Variants in EVL observed in about 807,000 individuals in gnomAD.
EVL encodes the protein Enah/Vasp-like.
EVL carries 21 observed loss-of-function variants against 59.6 expected under a neutral mutation model. The observed-to-expected ratio is 0.35, with a 90% CI of 0.25 to 0.51. The LOEUF (loss-of-function observed/expected upper bound fraction) is 0.51, where lower values mean the gene tolerates loss of function less well. EVL is among the 20% of genes least tolerant of loss of function. EVL has a pLI of 0.97. For synonymous variants in EVL, 198 were observed against 203.5 expected (o/e 0.97, Z 0.23); for missense variants, 462 against 546.6 (o/e 0.85, Z 1.54).
chr14:99,983,224 C>T (rs2060819195), intron 1 of EVL, among the ~76,000 whole-genome samples: 1 of 152,034 alleles, frequency 6.6e-6, no homozygotes, highest in Non-Finnish European at 1.5e-5. Flanking sequence ...TAAGAAAGAT[C>T]CAGTGACATT....
At chr14:100,094,036 T>TA (rs1456630185) in intron 2 of EVL, among the ~76,000 whole-genome samples, 40 of 152,336 alleles carry the variant, frequency 2.6e-4, no homozygotes, top group Middle Eastern at 3.4e-3. Context: ...ATAGTCTATA[T>TA]AGGGTTCTGT....
chr14:100,034,234 CAAAA>C (rs548491187), intron 1 of EVL, among the ~76,000 whole-genome samples: 1 of 90,922 alleles, frequency 1.1e-5, no homozygotes. Context: ...GAATCTGTCT[CAAAA>C]AAAAAAAAAA....
At chr14:100,038,435 A>G (rs1444037192) in intron 1 of EVL, among the ~76,000 whole-genome samples, 1 of 152,114 alleles carries the variant, frequency 6.6e-6, no homozygotes, top group Non-Finnish European at 1.5e-5. Flanking sequence ...ATGGCGGACA[A>G]GGTTGCCCAC....
intron 3 of EVL, chr14:100,106,871 A>G: frequency 2.5e-6 from 1 of 398,670 alleles, no homozygotes; most frequent in Non-Finnish European, 4.4e-6. Context: ...ACTTGGCCCA[A>G]ACCACTTCCT....
chr14:100,103,642 C>T (rs558526472), intron 3 of EVL, among the ~76,000 whole-genome samples: 61 of 152,254 alleles, frequency 4.0e-4, no homozygotes, highest in East Asian at 9.6e-4. Flanking sequence ...GAGGATGAGG[C>T]GCCCCTTCTA....
At chr14:100,103,572 T>TC (rs574286936) in intron 3 of EVL, among the ~76,000 whole-genome samples, 301 of 152,266 alleles carry the variant, frequency 2.0e-3, no homozygotes, top group Non-Finnish European at 3.8e-3. Flanking sequence ...ATCTTTCCTC[T>TC]CCTACTGGGT....
intron 1 of EVL, among the ~76,000 whole-genome samples, chr14:100,034,604 G>A (rs1015933185): frequency 6.6e-6 from 1 of 151,874 alleles, no homozygotes; most frequent in Non-Finnish European, 1.5e-5. Flanking sequence ...GGGCATGGTG[G>A]TACATGCTTG....
At chr14:99,994,297 A>G (rs998962011) in intron 1 of EVL, among the ~76,000 whole-genome samples, 3 of 151,578 alleles carry the variant, frequency 2.0e-5, no homozygotes, top group African/African-American at 4.8e-5. Context: ...AGGATTTACT[A>G]TTATTTTGTT....
intron 2 of EVL, among the ~76,000 whole-genome samples, chr14:100,092,101 G>A (rs2062577318): frequency 6.6e-6 from 1 of 151,856 alleles, no homozygotes; most frequent in Admixed American, 6.6e-5. Flanking sequence ...AAATTAGCTA[G>A]GCATGGTGGC....
At chr14:100,126,608 C>A in intron 4 of EVL, 99 bp from the exon 5 acceptor site, 1 of 1,357,766 alleles carries the variant, frequency 7.4e-7, no homozygotes, top group Non-Finnish European at 1.0e-6. Flanking sequence ...CTGGCGAAAC[C>A]TGACTCTGAA....
In EVL at chr14:100,109,538, A is replaced by C; in HGVS notation, c.358+11880A>C. On this transcript the variant is annotated intron_variant, in intron 3 of 13. Coordinates refer to ENST00000392920, the MANE Select transcript of EVL (RefSeq NM_016337.3). This position sits in a 1 kb window ranked among gnomAD's most constrained non-coding sequence, Gnocchi z 4.3. ...GTGTCTGGTGACTGAACAAGCTCCC[A>C]GCTTGCGCCCATGTCATATTGTGTG... 1 of 470,778 alleles carries C rather than the reference A, an allele frequency of 2.1e-6. No homozygotes were observed. Among genetic ancestry groups the C allele is most frequent in the South Asian group, 1.5e-5 (1 of 64,562 alleles). 29.2% of individuals were successfully genotyped at this position (470,778 alleles called of 1,614,324 possible).
intron 11 of EVL, chr14:100,138,108 G>A (rs1888927975): frequency 2.0e-6 from 1 of 501,620 alleles, no homozygotes; most frequent in African/African-American, 1.9e-5. Context: ...CAAGTTAGGG[G>A]ACCTCTCCAA....
At chr14:100,094,012 G>A (rs907542067) in intron 2 of EVL, among the ~76,000 whole-genome samples, 2 of 152,164 alleles carry the variant, frequency 1.3e-5, no homozygotes, top group African/African-American at 4.8e-5. Context: ...AGGTATGTAT[G>A]TATAGGAAAA....
intron 1 of EVL, among the ~76,000 whole-genome samples, chr14:100,056,785 T>G (rs1476461683): frequency 6.6e-6 from 1 of 151,984 alleles, no homozygotes; most frequent in Non-Finnish European, 1.5e-5. Context: ...ATCTGTCCCC[T>G]TTTCATATCA....
intron 13 of EVL, among the ~76,000 whole-genome samples, chr14:100,142,464 G>C (rs1889240562): frequency 6.6e-6 from 1 of 152,254 alleles, no homozygotes; most frequent in South Asian, 2.1e-4. Context: ...CTAGGGACGA[G>C]CTATGCAGCA....
intron 1 of EVL, among the ~76,000 whole-genome samples, chr14:100,078,440 G>T (rs536242473): frequency 6.6e-6 from 1 of 152,248 alleles, no homozygotes; most frequent in East Asian, 1.9e-4. Context: ...TCACTAATGG[G>T]CCCAGTGACT....
chr14:100,128,498 A>T, intron 5 of EVL, 21 bp from the exon 6 acceptor site: 1 of 1,611,596 alleles, frequency 6.2e-7, no homozygotes, highest in Non-Finnish European at 8.5e-7. Context: ...GAGCTGGCTG[A>T]GCCTCACTGT....
At chr14:100,098,509 T>C (rs573008605) in intron 3 of EVL, among the ~76,000 whole-genome samples, 77 of 152,344 alleles carry the variant, frequency 5.1e-4, no homozygotes, top group Non-Finnish European at 9.0e-4. Context: ...GACTTTGGGC[T>C]TGCTTGATAC....
chr14:100,071,922 A>G (rs1011428351), intron 1 of EVL, among the ~76,000 whole-genome samples: 2 of 152,166 alleles, frequency 1.3e-5, no homozygotes, highest in African/African-American at 4.8e-5. Context: ...ATAGCATGAA[A>G]CCTGTTTCAC....
Sources: gnomAD v4.1 joint callset for allele counts (sites outside exome capture counted in the v4.1 genomes callset) on GRCh38, gnomAD v4.1.1 for gene constraint, Gnocchi (gnomAD v3.1) non-coding constraint, MANE v1.5 for transcripts, NCBI Gene and HGNC (gene_info 2026-07-23, HGNC 2026-07-21) for gene names.